The following GPNMB variants were observed in gnomAD, a reference collection of about 807,000 sequenced individuals.
GPNMB encodes transmembrane glycoprotein NMB.
In GPNMB, 71 loss-of-function variants were observed where a neutral mutation model predicts 57.3. The observed-to-expected ratio is 1.24, with a 90% CI of 1.02 to 1.51. The LOEUF (loss-of-function observed/expected upper bound fraction) is 1.51, where lower values mean the gene tolerates loss of function less well. Among genes scored for constraint, GPNMB ranks in the 40% most tolerant of loss-of-function variants. The pLI is 0.00. For synonymous variants in GPNMB, 253 were observed against 263.2 expected (o/e 0.96, Z 0.38); for missense variants, 677 against 691.9 (o/e 0.98, Z 0.24).
chr7:23,260,530 C>T lies in GPNMB; in HGVS notation c.775C>T (p.Leu259Phe), dbSNP rs1782892352. Residue 259 changes from leucine to phenylalanine, a missense_variant, in exon 6 of 11, where the codon CTC becomes TTC. Physicochemically the swap from Leu to Phe is conservative, Grantham distance 22. Transcript: ENST00000258733. ...NSSDETFLKD[L>F]PIMFDVLIHD... ...ATCCGACGAAACCTTCCTCAAAGATCTCCCCATTATGTTTGATGTCCTGAT... is the reference window on the plus strand; with the variant it reads ...ATCCGACGAAACCTTCCTCAAAGATTTCCCCATTATGTTTGATGTCCTGAT... 1.2e-6 allele frequency: 2 copies of T among 1,613,256 alleles called. No individual in the cohort carries two copies. The highest frequency in any genetic ancestry group is 3.3e-5 in the Admixed American group (2 of 59,992).
rs151306653 is a variant in GPNMB at position 23,274,001 on chromosome 7, G to A, written c.1524-64G>A. The stretch of plus-strand genomic sequence containing the variant: ...TTTTATACCTGGCATGAAAAAGATT[G>A]TAGAAAGTTGTATATTTCAACTGAA... On this transcript the variant is annotated intron_variant, in intron 10 of 10. Transcript: ENST00000258733. 64 of 1,276,164 alleles carry A rather than the reference G, an allele frequency of 5.0e-5. 1 individual carries two copies. The African/African-American group carries it at 8.1e-4, about 16-fold the overall frequency. The allele number at this position is 1,276,164 out of a possible 1,614,324, so 79.1% of individuals were successfully genotyped here. A position where few individuals can be genotyped will look rare whatever the true frequency, so the allele number is the denominator to read the frequency against.
intron 3 of GPNMB, 53 bp from the exon 4 acceptor site, chr7:23,256,839 T>C (rs1782790142): frequency 6.8e-7 from 1 of 1,476,870 alleles, no homozygotes; most frequent in Non-Finnish European, 9.4e-7. Flanking sequence ...TGCATGCACA[T>C]TGGGTTTTCT....
Position 23,257,067 on chromosome 7 carries a change from T to A in GPNMB, c.541+2T>A. ...TCATCTACGTCTTCCACACACTTGG[T>A]TGGCTTTTACAAACCCCTAAGCTTC... On this transcript the variant is annotated splice_donor_variant, in intron 4 of 10. Transcript: ENST00000258733. LOFTEE classifies it high-confidence loss of function. 1 of 1,613,722 alleles carries A rather than the reference T, an allele frequency of 6.2e-7. No homozygotes were observed. Among genetic ancestry groups the A allele is most frequent in the Non-Finnish European group, 8.5e-7 (1 of 1,179,552 alleles).
chr7:23,257,009 T>C lies in GPNMB; in HGVS notation c.485T>C (p.Phe162Ser). 2 of 1,614,222 alleles carry C rather than the reference T, an allele frequency of 1.2e-6. No individual in the cohort carries two copies. Among genetic ancestry groups the C allele is most frequent in the South Asian group, 2.2e-5 (2 of 91,090 alleles). The stretch of plus-strand genomic sequence containing the variant: ...AACGTCTTCCCTGATGGGAAACCTT[T>C]TCCTCACCACCCCGGATGGAGAAGA... ...HHNVFPDGKPFPHHPGWRRWN... is the reference protein window; with the variant it reads ...HHNVFPDGKPSPHHPGWRRWN... The change falls in exon 4 of 11, where the codon TTT becomes TCT. Residue 162 changes from phenylalanine (F) to serine (S), a missense_variant. Physicochemically the swap from Phe to Ser is radical, Grantham distance 155 (BLOSUM62 -2). Transcript: ENST00000258733.
In GPNMB at chr7:23,265,413, T is replaced by G. The variant is rs140010629; in HGVS notation, c.1019-1104T>G. 1.4e-4 allele frequency among the ~76,000 whole-genome samples: 22 copies of G among 152,356 alleles called. No homozygotes were observed. The East Asian group carries it at 4.2e-3, about 29-fold the overall frequency. Reference sequence around the variant, plus strand: ...TATCGTTATTTTCTTTCTAGATTTTTTATCTTGCTAAAGGAGCAGCGATGT... The same window carrying G: ...TATCGTTATTTTCTTTCTAGATTTTGTATCTTGCTAAAGGAGCAGCGATGT... On this transcript the variant is annotated intron_variant, in intron 6 of 10. Transcript: ENST00000258733.
chr7:23,257,412 T>G, intron 4 of GPNMB: 1 of 436,244 alleles, frequency 2.3e-6, no homozygotes, highest in South Asian at 2.6e-5. Flanking sequence ...TGGCTCACAC[T>G]TGTAATCCCA....
intron 10 of GPNMB, 197 bp downstream of exon 10, chr7:23,273,811 C>T: frequency 1.7e-6 from 1 of 583,318 alleles, no homozygotes; most frequent in South Asian, 2.2e-5. Context: ...AAAGATGCTA[C>T]CAGATCTCAG....
In GPNMB at chr7:23,247,144, A is replaced by T. The variant is rs1431773031; in HGVS notation, c.70+217A>T. On this transcript the variant is annotated intron_variant, in intron 1 of 10. Transcript: ENST00000258733. ...TTGCTTTCGGCTCATGGAAAGTAAA[A>T]ACTATGCTGCCCTTCTCTTGTGAAG... 1.6e-5 allele frequency: 9 copies of T among 570,740 alleles called. No individual in the cohort carries two copies. In the East Asian group the frequency reaches 2.4e-4, roughly 15 times the overall value. The allele number at this position is 570,740 out of a possible 1,614,324, so 35.4% of individuals were successfully genotyped here. A position where few individuals can be genotyped will look rare whatever the true frequency, so the allele number is the denominator to read the frequency against.
intron 9 of GPNMB, among the ~76,000 whole-genome samples, chr7:23,270,397 GC>G (rs942792845): frequency 1.3e-5 from 2 of 152,074 alleles, no homozygotes; most frequent in African/African-American, 2.4e-5. Context: ...CCAAAGAAAA[GC>G]CTTTTGATGA....
In GPNMB at chr7:23,256,253, A is replaced by T. The variant is rs145013379; in HGVS notation, c.368-639A>T. ...TGAAATATACAACAAATTGTTGTTA[A>T]CTATAGTCACCTAGATTCAACAATT... On this transcript the variant is annotated intron_variant, in intron 3 of 10. Coordinates refer to ENST00000258733, the MANE Select transcript of GPNMB (RefSeq NM_002510.3). Among the ~76,000 whole-genome samples, 545 of 152,344 alleles carry T rather than the reference A, an allele frequency of 3.6e-3. 2 individuals carry two copies. Among genetic ancestry groups the T allele is most frequent in the African/African-American group, 0.012 (492 of 41,578 alleles).
At chr7:23,252,425 A>C (rs1226542962) in intron 1 of GPNMB, among the ~76,000 whole-genome samples, 2 of 152,264 alleles carry the variant, frequency 1.3e-5, no homozygotes, top group Non-Finnish European at 2.9e-5. Flanking sequence ...CATTTTTTAA[A>C]GTAAAAGAAT....
At chr7:23,268,818 C>T (rs1262658515) in intron 8 of GPNMB, among the ~76,000 whole-genome samples, 2 of 152,120 alleles carry the variant, frequency 1.3e-5, no homozygotes, top group African/African-American at 4.8e-5. Flanking sequence ...GAAGCTGCTG[C>T]GAGAGGCCTG....
At position 23,274,023 on chromosome 7, in the gene GPNMB, T is replaced by C. The variant is rs774914554; in HGVS notation, c.1524-42T>C. 5 of 1,473,008 alleles carry C rather than the reference T, an allele frequency of 3.4e-6. No individual in the cohort carries two copies. In the South Asian group the frequency reaches 4.8e-5, roughly 14 times the overall value. The allele number at this position is 1,473,008 out of a possible 1,614,324, so 91.2% of individuals were successfully genotyped here. A position where few individuals can be genotyped will look rare whatever the true frequency, so the allele number is the denominator to read the frequency against. ...ATTGTAGAAAGTTGTATATTTCAAC[T>C]GAAGATCTTTTAAAAATAACTAACC... On this transcript the variant is annotated intron_variant, in intron 10 of 10. Transcript: ENST00000258733.
intron 6 of GPNMB, among the ~76,000 whole-genome samples, chr7:23,263,766 G>A (rs1021938488): frequency 6.6e-6 from 1 of 152,112 alleles, no homozygotes; most frequent in Non-Finnish European, 1.5e-5. Flanking sequence ...TAGGGAGAGC[G>A]AGGAGGGACG....
rs200910471 is a variant in GPNMB at position 23,273,608 on chromosome 7, T to A, written c.1517T>A (p.Val506Glu). The change falls in exon 10 of 11, where the codon GTG becomes GAG. Residue 506 changes from valine to glutamate, a missense_variant. Val to Glu is a moderately radical substitution (Grantham distance 121). Transcript: ENST00000258733. ...AIFVTVISLLVYKKHKEYNPI... is the reference protein window; with the variant it reads ...AIFVTVISLLEYKKHKEYNPI... ...TTTGTCACTGTGATCTCCCTCTTGG[T>A]GTACAAGTAAGTTTTTGGTTCCTAC... 3.0e-5 allele frequency: 48 copies of A among 1,604,440 alleles called. No homozygotes were observed. The highest frequency in any genetic ancestry group is 4.0e-5 in the Non-Finnish European group (47 of 1,171,264).
intron 1 of GPNMB, among the ~76,000 whole-genome samples, chr7:23,251,428 C>A (rs1782659367): frequency 6.6e-6 from 1 of 152,170 alleles, no homozygotes; most frequent in South Asian, 2.1e-4. Context: ...AATTTAAGAC[C>A]ATTGGCTGAG....
intron 4 of GPNMB, 138 bp downstream of exon 4, chr7:23,257,203 G>A: frequency 1.3e-6 from 1 of 766,200 alleles, no homozygotes; most frequent in Non-Finnish European, 2.3e-6. Flanking sequence ...TAGCATGAGT[G>A]AACAGTGAGA....
chr7:23,257,123 C>T (rs778008152), intron 4 of GPNMB, 58 bp downstream of exon 4: 10 of 1,400,484 alleles, frequency 7.1e-6, no homozygotes, highest in Non-Finnish European at 1.0e-5. Context: ...TTTCAACCTT[C>T]TCTTTTCTTA....
At chr7:23,272,400 C>A (rs981698460) in intron 9 of GPNMB, among the ~76,000 whole-genome samples, 1 of 151,738 alleles carries the variant, frequency 6.6e-6, no homozygotes, top group Non-Finnish European at 1.5e-5. Context: ...GAGGCTGGGG[C>A]GGGAGGATCC....
Sources: gnomAD v4.1 joint callset for allele counts (sites outside exome capture counted in the v4.1 genomes callset) on GRCh38, gnomAD v4.1.1 for gene constraint, MANE v1.5 for transcripts, NCBI Gene and HGNC (gene_info 2026-07-23, HGNC 2026-07-21) for gene names.